Variants in RICTOR observed in about 807,000 individuals in gnomAD.
RICTOR encodes the protein RPTOR independent companion of MTOR complex 2.
RICTOR carries 49 observed loss-of-function variants against 214.9 expected under a neutral mutation model. The observed-to-expected ratio is 0.23, with a 90% CI of 0.18 to 0.29. The LOEUF is 0.29. RICTOR is among the 10% of genes least tolerant of loss of function. The pLI, the probability that RICTOR is intolerant of heterozygous loss-of-function variation, is 1.00. For synonymous variants in RICTOR, 717 were observed against 711.3 expected, an observed-to-expected ratio of 1.01 and a Z score of -0.13; for missense variants, 1,625 against 2,047.0, an observed-to-expected ratio of 0.79 and a Z score of 3.98.
chr5:38,962,903 T>A lies in RICTOR; in HGVS notation c.1539A>T (p.Arg513=), dbSNP rs2150023866. The part of the protein sequence containing the change: ...ATHQKRDQYL[R]VQKDIFILKD... ...TAAGGATAAATATATCTTTCTGAAC[T>A]CGGAGATACTGATCCCGTTTCTGGT... is the stretch of plus-strand genomic sequence containing the variant. Residue 513 remains arginine (R), a synonymous_variant, in exon 17 of 38, where the codon CGA becomes CGT. Transcript: ENST00000357387. 1 of 1,612,838 alleles carries A rather than the reference T, an allele frequency of 6.2e-7. No individual in the cohort carries two copies. The highest frequency in any genetic ancestry group is 2.2e-5 in the East Asian group (1 of 44,828).
chr5:38,999,610 A>C (rs1561515363), intron 5 of RICTOR, among the ~76,000 whole-genome samples: 1 of 152,142 alleles, frequency 6.6e-6, no homozygotes, highest in Non-Finnish European at 1.5e-5. Context: ...TTGTTATTTC[A>C]AAAGAAGCAA....
intron 2 of RICTOR, among the ~76,000 whole-genome samples, chr5:39,021,409 T>C (rs1273599546): frequency 1.3e-5 from 2 of 152,100 alleles, no homozygotes; most frequent in African/African-American, 4.8e-5. Context: ...TTGAATGTGT[T>C]CCCCCCAAAG....
intron 3 of RICTOR, among the ~76,000 whole-genome samples, chr5:39,006,769 A>AGAGGAGGGGG (rs1754097819): frequency 1.9e-5 from 1 of 52,166 alleles, no homozygotes; most frequent in Non-Finnish European, 3.5e-5. Flanking sequence ...AGAGGAGGGG[A>AGAGGAGGGGG]GAGGAGAGGA....
intron 2 of RICTOR, among the ~76,000 whole-genome samples, chr5:39,056,145 A>G (rs115137069): frequency 5.8e-4 from 88 of 152,314 alleles, no homozygotes; most frequent in Non-Finnish European, 1.1e-3. Flanking sequence ...GGAGCCCTCA[A>G]GCTTAAACAC....
chr5:39,053,560 T>A (rs1186867168), intron 2 of RICTOR, among the ~76,000 whole-genome samples: 1 of 152,186 alleles, frequency 6.6e-6, no homozygotes, highest in East Asian at 1.9e-4. Flanking sequence ...AAAATAAATA[T>A]TTATTAAATA....
At chr5:38,957,870 C>G (rs1159491488) in intron 24 of RICTOR, 140 bp from the exon 25 acceptor site, 2 of 517,130 alleles carry the variant, frequency 3.9e-6, no homozygotes, top group East Asian at 6.6e-5. Context: ...AAAAGGTCAA[C>G]TATAATTTAT....
intron 7 of RICTOR, among the ~76,000 whole-genome samples, chr5:38,987,697 G>C (rs748629535): frequency 1.8e-4 from 28 of 151,688 alleles, no homozygotes; most frequent in Non-Finnish European, 3.4e-4. Context: ...GGTTTTTCGT[G>C]TATCTCCTTC....
chr5:38,943,430 G>A (rs2112791752), intron 36 of RICTOR, among the ~76,000 whole-genome samples: 3 of 152,164 alleles, frequency 2.0e-5, no homozygotes. Flanking sequence ...ACCAGTTAAG[G>A]GCCCGCTCCC....
At chr5:38,967,116 G>C (rs1222745938) in intron 14 of RICTOR, 45 bp downstream of exon 14, 1 of 1,421,548 alleles carries the variant, frequency 7.0e-7, no homozygotes, top group Non-Finnish European at 9.9e-7. Context: ...GAATCTGTTA[G>C]AGAAAATAAA....
At position 39,005,021 on chromosome 5, in the gene RICTOR, T is replaced by C. The variant is rs529343923; in HGVS notation, c.196-1399A>G. ...GTCTCAAACTCCCGACCTCAGGTGATCCGCCCGCCTTGGCCTCCCAAAGTG... is the reference window on the plus strand; with the variant it reads ...GTCTCAAACTCCCGACCTCAGGTGACCCGCCCGCCTTGGCCTCCCAAAGTG... On this transcript the variant is annotated intron_variant, in intron 3 of 37. Transcript: ENST00000357387. Among the ~76,000 whole-genome samples the C allele has an allele frequency of 4.6e-5, 7 of 152,290 alleles. No individual in the cohort carries two copies. In the East Asian group the frequency reaches 1.4e-3, roughly 29 times the overall value.
intron 3 of RICTOR, among the ~76,000 whole-genome samples, chr5:39,007,082 T>TA (rs1019409960): frequency 1.2e-4 from 19 of 152,218 alleles, no homozygotes; most frequent in African/African-American, 4.3e-4. Context: ...ACCATATACC[T>TA]AAAATTAAAA....
intron 2 of RICTOR, among the ~76,000 whole-genome samples, chr5:39,040,502 A>C (rs71621895): frequency 3.9e-5 from 6 of 152,108 alleles, no homozygotes; most frequent in Non-Finnish European, 7.4e-5. Flanking sequence ...AATTTTAATA[A>C]TTAGAAGCTA....
intron 2 of RICTOR, among the ~76,000 whole-genome samples, chr5:39,066,456 C>T (rs764861567): frequency 6.6e-6 from 1 of 152,240 alleles, no homozygotes; most frequent in African/African-American, 2.4e-5. Context: ...TTTTCTCCAA[C>T]TTCACGGATA....
chr5:38,945,848 A>G (rs1484161537), intron 33 of RICTOR, 124 bp from the exon 34 acceptor site: 2 of 536,372 alleles, frequency 3.7e-6, no homozygotes, highest in Non-Finnish European at 6.5e-6. Context: ...ACTGGAAAGA[A>G]AAAAAGAATA....
intron 19 of RICTOR, 33 bp downstream of exon 19, chr5:38,962,282 T>G: frequency 9.1e-7 from 1 of 1,098,030 alleles, no homozygotes; most frequent in Non-Finnish European, 1.3e-6. Context: ...ATTTAAGTTC[T>G]TTAAATTTAA....
intron 11 of RICTOR, 73 bp downstream of exon 11, chr5:38,971,804 T>C: frequency 1.4e-6 from 1 of 698,198 alleles, no homozygotes; most frequent in Non-Finnish European, 2.5e-6. Context: ...TCACCTGAAA[T>C]AATTTTTTTT....
At chr5:38,945,236 G>T (rs1304100882) in intron 34 of RICTOR, 168 bp from the exon 35 acceptor site, 14 of 624,894 alleles carry the variant, frequency 2.2e-5, no homozygotes, top group Non-Finnish European at 3.8e-5. Flanking sequence ...AATAACTACA[G>T]CATGCAAAGG....
intron 3 of RICTOR, among the ~76,000 whole-genome samples, chr5:39,016,909 T>C (rs963123954): frequency 2.0e-5 from 3 of 152,228 alleles, no homozygotes; most frequent in African/African-American, 7.2e-5. Context: ...TAACATTTAA[T>C]AATGTTTTAT....
At position 39,066,888 on chromosome 5, in the gene RICTOR, A is replaced by G. The variant is rs555363660; in HGVS notation, c.97+7223T>C. ...TCCACCTGAGACCTCATCATCATGG[A>G]CTTCATTGTCCGTATCACTACCAGC... is the stretch of plus-strand genomic sequence containing the variant. On this transcript the variant is annotated intron_variant, in intron 2 of 37. Transcript: ENST00000357387. Among the ~76,000 whole-genome samples, 5 of 152,246 alleles carry G rather than the reference A, an allele frequency of 3.3e-5. No homozygotes were observed. The South Asian group carries it at 1.0e-3, about 32-fold the overall frequency.
Sources: allele counts gnomAD v4.1 joint callset (sites outside exome capture counted in the v4.1 genomes callset), GRCh38; gene constraint gnomAD v4.1.1; transcripts MANE v1.5; gene names NCBI Gene and HGNC (gene_info 2026-07-23, HGNC 2026-07-21).